The following NDST3 variants were observed in gnomAD, a reference collection of about 807,000 sequenced individuals.
NDST3 encodes the protein N-deacetylase and N-sulfotransferase 3, also known as bifunctional heparan sulfate N-deacetylase/N-sulfotransferase 3.
Under a neutral mutation model 96.1 loss-of-function variants are expected in NDST3, and 58 were observed. The observed-to-expected ratio is 0.60, with a 90% CI of 0.49 to 0.75. The LOEUF (loss-of-function observed/expected upper bound fraction) is 0.75, where lower values mean the gene tolerates loss of function less well. Among genes scored for constraint, NDST3 ranks in the 30% least tolerant of loss-of-function variants. The pLI, the probability that NDST3 is intolerant of heterozygous loss-of-function variation, is 0.00. For missense variants in NDST3, 788 were observed against 1,034.2 expected, an observed-to-expected ratio of 0.76 and a Z score of 3.27; for synonymous variants, 333 against 359.7, an observed-to-expected ratio of 0.93 and a Z score of 0.84.
At chr4:118,213,982 T>C (rs11945882) in intron 6 of NDST3, among the ~76,000 whole-genome samples, 21,130 of 152,088 alleles carry the variant, frequency 0.14, 1,590 homozygotes, top group South Asian at 0.2. Flanking sequence ...GAGTACAACC[T>C]GATCCCTGCT....
chr4:118,064,560 T>C (rs1726154905), intron 2 of NDST3, among the ~76,000 whole-genome samples: 1 of 152,092 alleles, frequency 6.6e-6, no homozygotes, highest in Admixed American at 6.6e-5. Context: ...AATTAAAATT[T>C]ACCTATAAAA....
At chr4:118,079,962 T>C (rs1456065831) in intron 2 of NDST3, among the ~76,000 whole-genome samples, 1 of 152,020 alleles carries the variant, frequency 6.6e-6, no homozygotes, top group Non-Finnish European at 1.5e-5. Flanking sequence ...CAGCAGTGTG[T>C]TCCTCCAGTT....
chr4:118,189,789 G>A (rs1409970900), intron 6 of NDST3, among the ~76,000 whole-genome samples: 1 of 151,962 alleles, frequency 6.6e-6, no homozygotes, highest in Non-Finnish European at 1.5e-5. Flanking sequence ...ATACTCCATT[G>A]AAATTTTCCT....
intron 2 of NDST3, among the ~76,000 whole-genome samples, chr4:118,100,548 C>A (rs567562928): frequency 6.6e-6 from 1 of 152,036 alleles, no homozygotes; most frequent in Non-Finnish European, 1.5e-5. Flanking sequence ...TCCCCTCATA[C>A]CTTTAGGCTT....
chr4:118,123,016 A>G (rs941834627), intron 4 of NDST3, among the ~76,000 whole-genome samples: 1 of 152,198 alleles, frequency 6.6e-6, no homozygotes, highest in African/African-American at 2.4e-5. Context: ...TGATACTGTT[A>G]TTGCTGTTAC....
chr4:118,084,181 C>T (rs769130449), intron 2 of NDST3, among the ~76,000 whole-genome samples: 1 of 151,830 alleles, frequency 6.6e-6, no homozygotes, highest in Non-Finnish European at 1.5e-5. Flanking sequence ...TACTGTATTT[C>T]GGATTCCTGC....
At chr4:118,181,219 C>A (rs28589481) in intron 6 of NDST3, among the ~76,000 whole-genome samples, 7,559 of 152,054 alleles carry the variant, frequency 0.05, 372 homozygotes, top group African/African-American at 0.12. Context: ...CAGGTAGCCA[C>A]GAGAACTCTA....
At chr4:118,192,906 T>C (rs1039967812) in intron 6 of NDST3, among the ~76,000 whole-genome samples, 2 of 152,056 alleles carry the variant, frequency 1.3e-5, no homozygotes, top group Admixed American at 1.3e-4. Context: ...GGAGACAGCA[T>C]CAGCCATGCC....
At chr4:118,171,233 C>A (rs768082367) in intron 6 of NDST3, among the ~76,000 whole-genome samples, 4 of 152,122 alleles carry the variant, frequency 2.6e-5, no homozygotes, top group Non-Finnish European at 4.4e-5. Flanking sequence ...CAGTCAAAGC[C>A]AAATCATTTC....
intron 2 of NDST3, among the ~76,000 whole-genome samples, chr4:118,104,419 G>A (rs1350846713): frequency 6.6e-6 from 1 of 152,060 alleles, no homozygotes; most frequent in Non-Finnish European, 1.5e-5. Context: ...ATATTTTATA[G>A]GATATAACAA....
chr4:118,118,026 C>T (rs1471913100), intron 4 of NDST3, among the ~76,000 whole-genome samples: 1 of 152,126 alleles, frequency 6.6e-6, no homozygotes, highest in Non-Finnish European at 1.5e-5. Flanking sequence ...AGACAAAAAA[C>T]TAAATCTGAG....
intron 7 of NDST3, among the ~76,000 whole-genome samples, 164 bp downstream of exon 7, chr4:118,224,837 C>T (rs1739774115): frequency 6.6e-6 from 1 of 152,102 alleles, no homozygotes; most frequent in South Asian, 2.1e-4. Flanking sequence ...TATATCATTG[C>T]TACATATTGC....
chr4:118,193,812 T>C, intron 6 of NDST3: 1 of 1,478,610 alleles, frequency 6.8e-7, no homozygotes, highest in Middle Eastern at 2.0e-4. Flanking sequence ...ATGGCCAGGT[T>C]GAGGTAAGAG....
chr4:118,154,453 C>T (rs1332704435), intron 6 of NDST3, among the ~76,000 whole-genome samples: 1 of 152,142 alleles, frequency 6.6e-6, no homozygotes, highest in Non-Finnish European at 1.5e-5. Context: ...AGGGGCATGA[C>T]TTGCTTTAAG....
At chr4:118,113,147 G>A (rs965590114) in intron 3 of NDST3, among the ~76,000 whole-genome samples, 1 of 152,268 alleles carries the variant, frequency 6.6e-6, no homozygotes, top group South Asian at 2.1e-4. Context: ...AGGTACTGCT[G>A]TCCATCTCTT....
intron 3 of NDST3, among the ~76,000 whole-genome samples, chr4:118,112,746 C>T (rs1259493103): frequency 6.6e-6 from 1 of 152,128 alleles, no homozygotes; most frequent in South Asian, 2.1e-4. Context: ...GACCCAAGAA[C>T]CTGCTATGGT....
intron 6 of NDST3, among the ~76,000 whole-genome samples, chr4:118,182,993 C>T (rs1461423804): frequency 6.6e-6 from 1 of 152,150 alleles, no homozygotes; most frequent in Non-Finnish European, 1.5e-5. Context: ...GGGAAGGGAT[C>T]AGAAAATAAG....
In NDST3 at chr4:118,098,095, C is replaced by T. The variant is rs915810934; in HGVS notation, c.982-6923C>T. Among the ~76,000 whole-genome samples the T allele has an allele frequency of 6.6e-5, 10 of 151,594 alleles. 1 individual carries two copies. In the South Asian group the frequency reaches 8.3e-4, roughly 13 times the overall value. On this transcript the variant is annotated intron_variant, in intron 2 of 13. Transcript: ENST00000296499. ...TTTCATGTCTTGAGCAGAACAGATGCGCTACTTAAGGAGTTTCATACCTCT... is the reference window on the plus strand; with the variant it reads ...TTTCATGTCTTGAGCAGAACAGATGTGCTACTTAAGGAGTTTCATACCTCT...
At chr4:118,039,733 GA>G (rs1724341112) in intron 1 of NDST3, among the ~76,000 whole-genome samples, 1 of 152,030 alleles carries the variant, frequency 6.6e-6, no homozygotes, top group Non-Finnish European at 1.5e-5. Context: ...GGGAAGTGGA[GA>G]AAAAACTTTC....
Sources: gnomAD v4.1 joint callset for allele counts (sites outside exome capture counted in the v4.1 genomes callset) on GRCh38, gnomAD v4.1.1 for gene constraint, MANE v1.5 for transcripts, NCBI Gene and HGNC (gene_info 2026-07-23, HGNC 2026-07-21) for gene names.